CNTNAP4: variants seen among roughly 807,000 people sequenced by gnomAD.
The protein encoded by CNTNAP4 is contactin-associated protein-like 4.
CNTNAP4 carries 98 observed loss-of-function variants against 148.4 expected under a neutral mutation model. That is an observed-to-expected ratio of 0.66 (90% CI 0.56 to 0.78). CNTNAP4 has a LOEUF of 0.78. CNTNAP4 is among the 30% of genes least tolerant of loss of function. The pLI is 0.00. For missense variants in CNTNAP4, 1,935 were observed against 1,565.6 expected (o/e 1.24, Z -3.98); for synonymous variants, 730 against 565.1 (o/e 1.29, Z -4.14).
At chr16:76,340,230 G>A (rs540324373) in intron 2 of CNTNAP4, among the ~76,000 whole-genome samples, 2 of 152,188 alleles carry the variant, frequency 1.3e-5, no homozygotes, top group South Asian at 2.1e-4. Flanking sequence ...TCTCTAGGAA[G>A]GGAAGGCCAT....
chr16:76,523,820 G>T (rs1320257527), intron 17 of CNTNAP4, among the ~76,000 whole-genome samples: 1 of 152,102 alleles, frequency 6.6e-6, no homozygotes, highest in Admixed American at 6.6e-5. Flanking sequence ...TAATCCCAGC[G>T]TTCAAGAAGC....
intron 3 of CNTNAP4, among the ~76,000 whole-genome samples, chr16:76,366,069 A>G (rs1009091007): frequency 2.6e-5 from 4 of 151,750 alleles, no homozygotes; most frequent in African/African-American, 9.7e-5. Context: ...TAATTTTTTG[A>G]CTTTAAGTTT....
intron 4 of CNTNAP4, among the ~76,000 whole-genome samples, chr16:76,444,818 T>C (rs1017624710): frequency 1.3e-5 from 2 of 152,204 alleles, no homozygotes; most frequent in Non-Finnish European, 2.9e-5. Flanking sequence ...GAAGTTTTCC[T>C]GTACTGATAA....
chr16:76,372,623 C>T (rs2014972114), intron 3 of CNTNAP4, among the ~76,000 whole-genome samples: 1 of 152,150 alleles, frequency 6.6e-6, no homozygotes, highest in Admixed American at 6.5e-5. Flanking sequence ...TTTCGCTTGG[C>T]TCTCATTCTG....
intron 2 of CNTNAP4, among the ~76,000 whole-genome samples, chr16:76,320,376 C>G (rs1962278343): frequency 6.6e-6 from 1 of 152,028 alleles, no homozygotes; most frequent in Non-Finnish European, 1.5e-5. Context: ...AACTGATAAG[C>G]AAAAAAGGCA....
At chr16:76,302,892 G>A (rs1336657607) in intron 1 of CNTNAP4, among the ~76,000 whole-genome samples, 1 of 152,198 alleles carries the variant, frequency 6.6e-6, no homozygotes, top group Admixed American at 6.5e-5. Flanking sequence ...TGTTTAGGGA[G>A]ATCAGGAGCT....
rs530552327 is a variant in CNTNAP4 at position 76,435,165 on chromosome 16, T to A, written c.538+7566T>A. Among the ~76,000 whole-genome samples the A allele has an allele frequency of 5.9e-5, 9 of 152,326 alleles. No homozygotes were observed. The East Asian group carries it at 9.7e-4, about 16-fold the overall frequency. Reference sequence around the variant, plus strand: ...CCCTTCATTCAAGGGGTTCTGGGTCTGTAAACTGGCTCAAGTCTGGAAGTT... The same window carrying A: ...CCCTTCATTCAAGGGGTTCTGGGTCAGTAAACTGGCTCAAGTCTGGAAGTT... On this transcript the variant is annotated intron_variant, in intron 4 of 23. Transcript: ENST00000611870.
At chr16:76,308,470 C>T (rs1292502187) in intron 1 of CNTNAP4, among the ~76,000 whole-genome samples, 3 of 152,168 alleles carry the variant, frequency 2.0e-5, no homozygotes, top group African/African-American at 7.2e-5. Flanking sequence ...CAGCAGCTTC[C>T]TCCACACACC....
At chr16:76,537,096 T>A (rs937708376) in intron 18 of CNTNAP4, among the ~76,000 whole-genome samples, 11 of 152,206 alleles carry the variant, frequency 7.2e-5, no homozygotes, top group African/African-American at 2.4e-4. Context: ...CTAGGACACT[T>A]TTCATGTTTA....
chr16:76,428,287 A>G (rs183337852), intron 4 of CNTNAP4, among the ~76,000 whole-genome samples: 38 of 152,246 alleles, frequency 2.5e-4, no homozygotes, highest in South Asian at 6.2e-4. Flanking sequence ...ATTATAGAAC[A>G]GTGGGTTAGT....
rs764750029 is a variant in CNTNAP4 at position 76,521,996 on chromosome 16, C to T, written c.2537-43C>T. The T allele has an allele frequency of 2.0e-5, 31 of 1,579,548 alleles. No individual in the cohort carries two copies. In the East Asian group the frequency reaches 6.7e-4, roughly 34 times the overall value. Reference sequence around the variant, plus strand: ...GTATATTGGAGACTCGGCACTTCGCCATAGGAACTCACTAGAACAATCTTT... The same window carrying T: ...GTATATTGGAGACTCGGCACTTCGCTATAGGAACTCACTAGAACAATCTTT... On this transcript the variant is annotated intron_variant, in intron 16 of 23. Transcript: ENST00000611870.
chr16:76,495,116 T>C (rs759505596), intron 14 of CNTNAP4, 50 bp downstream of exon 14: 2 of 1,592,158 alleles, frequency 1.3e-6, no homozygotes, highest in Admixed American at 3.4e-5. Flanking sequence ...TTTAAAAAAA[T>C]TAATCACTCA....
intron 3 of CNTNAP4, among the ~76,000 whole-genome samples, chr16:76,398,435 C>T (rs2078287154): frequency 6.6e-6 from 1 of 152,126 alleles, no homozygotes; most frequent in South Asian, 2.1e-4. Flanking sequence ...ATTCTGTGCA[C>T]CTACCGTGTC....
At chr16:76,416,707 T>A (rs552612072) in intron 3 of CNTNAP4, among the ~76,000 whole-genome samples, 1 of 151,508 alleles carries the variant, frequency 6.6e-6, no homozygotes, top group African/African-American at 2.4e-5. Flanking sequence ...TGTCTGCTGT[T>A]GTTGGGTGAA....
At position 76,495,020 on chromosome 16, in the gene CNTNAP4, A is replaced by G. The variant is rs1032316440; in HGVS notation, c.2191A>G (p.Ile731Val). Reference protein sequence around the residue: ...KCTCGLEGNCIDSQYYCNCDA... With the variant: ...KCTCGLEGNCVDSQYYCNCDA... ...TACTTGTGGATTAGAGGGAAACTGC[A>G]TTGATTCTCAGTATTACTGCAATTG... is the stretch of plus-strand genomic sequence containing the variant. Residue 731 changes from isoleucine (I) to valine (V), a missense_variant, in exon 14 of 24, where the codon ATT becomes GTT. Coordinates refer to ENST00000611870, the MANE Select transcript of CNTNAP4 (RefSeq NM_033401.5). 6.2e-7 allele frequency: 1 copy of G among 1,613,488 alleles called. No individual in the cohort carries two copies. The highest frequency in any genetic ancestry group is 8.5e-7 in the Non-Finnish European group (1 of 1,179,610).
At chr16:76,374,742 CTATTATTATTAT>C (rs34594219) in intron 3 of CNTNAP4, among the ~76,000 whole-genome samples, 28 of 131,636 alleles carry the variant, frequency 2.1e-4, no homozygotes, top group Non-Finnish European at 2.4e-4. Context: ...GACTATGACA[CTATTATTATTAT>C]TATTATTATT....
At chr16:76,539,913 A>C in intron 20 of CNTNAP4, 61 bp downstream of exon 20, 2,671 of 1,260,196 alleles carry the variant, frequency 2.1e-3, no homozygotes, top group Non-Finnish European at 2.6e-3. Flanking sequence ...GAAGGATCTC[A>C]AGCAGAAATT....
At chr16:76,463,396 GGTTTAA>G (rs1384046770) in intron 9 of CNTNAP4, among the ~76,000 whole-genome samples, 1 of 152,062 alleles carries the variant, frequency 6.6e-6, no homozygotes, top group East Asian at 1.9e-4. Context: ...TTCATGTTCA[GGTTTAA>G]CAATGCCTAG....
chr16:76,343,403 C>G (rs556178720), intron 2 of CNTNAP4, among the ~76,000 whole-genome samples: 332 of 152,290 alleles, frequency 2.2e-3, no homozygotes, highest in Non-Finnish European at 3.7e-3. Context: ...TCTTCTGCCT[C>G]ACTTGTGCAT....
Sources: allele counts gnomAD v4.1 joint callset (sites outside exome capture counted in the v4.1 genomes callset), GRCh38; gene constraint gnomAD v4.1.1; transcripts MANE v1.5; gene names NCBI Gene and HGNC (gene_info 2026-07-23, HGNC 2026-07-21).